The following UPP2 variants were observed in gnomAD, a reference collection of about 807,000 sequenced individuals.
UPP2 encodes the protein UPase 2.
A neutral mutation model predicts 26.7 loss-of-function variants in UPP2; 23 were observed. The observed-to-expected ratio is 0.86, with a 90% CI of 0.62 to 1.22. The LOEUF is 1.22. Among genes scored for constraint, UPP2 ranks in the 50% most tolerant of loss-of-function variants. The pLI is 0.00. For missense variants in UPP2, 387 were observed against 396.7 expected (o/e 0.98, Z 0.21); for synonymous variants, 127 against 141.3 (o/e 0.90, Z 0.72).
intron 3 of UPP2, among the ~76,000 whole-genome samples, chr2:158,116,103 T>C (rs1403292604): frequency 6.6e-6 from 1 of 152,172 alleles, no homozygotes; most frequent in Non-Finnish European, 1.5e-5. Context: ...CAATCATTGA[T>C]GAAAACCTGC....
At position 158,121,558 on chromosome 2, in the gene UPP2, G is replaced by T; in HGVS notation, c.604G>T (p.Glu202Ter). The T allele has an allele frequency of 1.9e-6, 3 of 1,613,532 alleles. No homozygotes were observed. The East Asian group carries it at 6.7e-5, about 36-fold the overall frequency. Residue 202 changes from glutamate (E) to a stop codon, truncating the protein, a stop_gained, in exon 5 of 7, where the codon GAA becomes TAA. Transcript: ENST00000005756. LOFTEE classifies it high-confidence loss of function. ...TGAAGAACTGTTCAACTGTAGCAAA[G>T]AAATCCCCAACTTCCCAACCCTCGT... is the stretch of plus-strand genomic sequence containing the variant. ...LSEELFNCSK[E>*]IPNFPTLVGH...
intron 3 of UPP2, among the ~76,000 whole-genome samples, chr2:158,044,981 T>C (rs1427200538): frequency 6.6e-6 from 1 of 152,232 alleles, no homozygotes; most frequent in African/African-American, 2.4e-5. Context: ...ATTAAATGAA[T>C]GTTAAATGAA....
chr2:158,108,606 GACAC>G (rs140302298), intron 2 of UPP2, among the ~76,000 whole-genome samples: 1 of 143,548 alleles, frequency 7.0e-6, no homozygotes, highest in African/African-American at 2.9e-5. Context: ...CACACACACA[GACAC>G]ACACACACAT....
intron 2 of UPP2, among the ~76,000 whole-genome samples, chr2:158,114,899 T>G (rs1683391318): frequency 6.6e-6 from 1 of 152,228 alleles, no homozygotes; most frequent in South Asian, 2.1e-4. Context: ...CTTTACAAAT[T>G]TAGTGCAAAA....
intron 2 of UPP2, among the ~76,000 whole-genome samples, chr2:158,006,476 CAAAAAA>C (rs3038697): frequency 1.3e-5 from 1 of 77,394 alleles, no homozygotes; most frequent in African/African-American, 5.5e-5. Context: ...GACTCCGTCT[CAAAAAA>C]AAAAAAAAAA....
intron 2 of UPP2, among the ~76,000 whole-genome samples, chr2:158,112,010 T>C (rs1683329391): frequency 6.6e-6 from 1 of 152,156 alleles, no homozygotes; most frequent in South Asian, 2.1e-4. Flanking sequence ...AGATTTAATA[T>C]TGTTAAGATA....
chr2:158,003,148 C>A (rs1176976738), intron 2 of UPP2, among the ~76,000 whole-genome samples: 4 of 151,988 alleles, frequency 2.6e-5, no homozygotes, highest in Non-Finnish European at 5.9e-5. Flanking sequence ...TGGGGTGTCA[C>A]AACTTAGGGG....
At chr2:158,104,191 T>C (rs1159210293) in intron 1 of UPP2, among the ~76,000 whole-genome samples, 1 of 152,204 alleles carries the variant, frequency 6.6e-6, no homozygotes, top group African/African-American at 2.4e-5. Context: ...TGTGAAATGC[T>C]ATCTACCAGC....
In UPP2 at chr2:158,123,955, C is replaced by A. The variant is rs907985308; in HGVS notation, c.811+60C>A. The A allele has an allele frequency of 1.1e-5, 17 of 1,559,286 alleles. No homozygotes were observed. The African/African-American group carries it at 1.9e-4, about 18-fold the overall frequency. Reference sequence around the variant, plus strand: ...CCTCTTTCATGAAGCTACTTTTACACCTTAGGAGAAGAAAAAGAGGTCCAG... The same window carrying A: ...CCTCTTTCATGAAGCTACTTTTACAACTTAGGAGAAGAAAAAGAGGTCCAG... On this transcript the variant is annotated intron_variant, in intron 6 of 6. Coordinates refer to ENST00000005756, the MANE Select transcript of UPP2 (RefSeq NM_173355.4).
chr2:158,038,387 T>C (rs1173395553), intron 3 of UPP2, among the ~76,000 whole-genome samples: 4 of 152,216 alleles, frequency 2.6e-5, no homozygotes, highest in African/African-American at 7.2e-5. Flanking sequence ...AAGAACCAGA[T>C]TGATAACCCC....
intron 3 of UPP2, among the ~76,000 whole-genome samples, chr2:158,072,187 T>C (rs1032049616): frequency 2.1e-4 from 32 of 152,072 alleles, no homozygotes; most frequent in African/African-American, 7.2e-4. Context: ...GGTGGTGGCA[T>C]GGCAGAACTC....
At chr2:158,008,062 A>G (rs1424276900) in intron 2 of UPP2, among the ~76,000 whole-genome samples, 1 of 152,268 alleles carries the variant, frequency 6.6e-6, no homozygotes, top group Non-Finnish European at 1.5e-5. Context: ...ATGTAAATTT[A>G]ACTTGTAATT....
intron 3 of UPP2, among the ~76,000 whole-genome samples, chr2:158,055,009 T>C (rs1682224219): frequency 6.6e-6 from 1 of 152,228 alleles, no homozygotes; most frequent in South Asian, 2.1e-4. Flanking sequence ...TTCCTGTCTC[T>C]ACTAGTTTGA....
At chr2:158,030,381 A>G (rs989019020) in intron 3 of UPP2, among the ~76,000 whole-genome samples, 5 of 152,224 alleles carry the variant, frequency 3.3e-5, no homozygotes, top group Non-Finnish European at 4.4e-5. Context: ...ATATATTCAA[A>G]TTGGCCAAAA....
intron 3 of UPP2, among the ~76,000 whole-genome samples, chr2:158,073,554 C>A (rs1258918787): frequency 2.0e-5 from 3 of 151,940 alleles, no homozygotes; most frequent in Admixed American, 6.6e-5. Context: ...AATCAAACTC[C>A]CAAAGATCAA....
At chr2:158,118,013 T>C in intron 4 of UPP2, 75 bp downstream of exon 4, 2 of 1,261,462 alleles carry the variant, frequency 1.6e-6, no homozygotes, top group Non-Finnish European at 2.3e-6. Context: ...TATAACATCC[T>C]ATTCAGAGCC....
chr2:158,005,966 C>T (rs534968329), intron 2 of UPP2, among the ~76,000 whole-genome samples: 2 of 152,298 alleles, frequency 1.3e-5, no homozygotes, highest in East Asian at 1.9e-4. Context: ...TGTTCATCCC[C>T]TCCTCACACT....
Position 158,134,794 on chromosome 2 carries a change from G to C in UPP2, c.858G>C (p.Gln286His), listed in dbSNP as rs1683896812. 1.9e-6 allele frequency: 3 copies of C among 1,613,624 alleles called. No individual in the cohort carries two copies. The African/African-American group carries it at 4.0e-5, about 22-fold the overall frequency. The change falls in exon 7 of 7, where the codon CAG becomes CAC. Residue 286 changes from glutamine (Q) to histidine (H), a missense_variant. Physicochemically the swap from Gln to His is conservative, Grantham distance 24. Coordinates refer to ENST00000005756, the MANE Select transcript of UPP2 (RefSeq NM_173355.4). ...TTCTCGACAGACTCGACTGTGATCA[G>C]ATCAACTTGCCTCATGATGTCCTGG... ...VTLLDRLDCD[Q>H]INLPHDVLVE...
intron 3 of UPP2, among the ~76,000 whole-genome samples, chr2:158,019,639 A>AACACAC (rs57149695): frequency 1.0e-3 from 146 of 141,192 alleles, no homozygotes; most frequent in Non-Finnish European, 1.3e-3. Context: ...AATCCTTTAA[A>AACACAC]ACACACACAC....
Sources: allele counts gnomAD v4.1 joint callset (sites outside exome capture counted in the v4.1 genomes callset), GRCh38; gene constraint gnomAD v4.1.1; transcripts MANE v1.5; gene names NCBI Gene and HGNC (gene_info 2026-07-23, HGNC 2026-07-21).